DCTN1: variants seen among roughly 807,000 people sequenced by gnomAD.
DCTN1 encodes the protein dynactin subunit 1.
DCTN1 carries 61 observed loss-of-function variants against 161.2 expected under a neutral mutation model. That is an observed-to-expected ratio of 0.38 (90% CI 0.31 to 0.47). The LOEUF (loss-of-function observed/expected upper bound fraction) is 0.47. Among genes scored for constraint, DCTN1 ranks in the 20% least tolerant of loss-of-function variants. The probability of loss-of-function intolerance (pLI) is 0.99; values close to 1 mark genes in which losing one functional copy is unlikely to be tolerated. For missense variants in DCTN1, 1,404 were observed against 1,623.7 expected (o/e 0.86, Z 2.33); for synonymous variants, 653 against 632.4 (o/e 1.03, Z -0.49).
At chr2:74,364,764 C>A in intron 26 of DCTN1, 1 of 421,916 alleles carries the variant, frequency 2.4e-6, no homozygotes, top group Admixed American at 3.5e-5. Flanking sequence ...TGACAACCCT[C>A]TGGGATATAG....
chr2:74,369,819 A>G lies in DCTN1; in HGVS notation c.1392+146T>C. ...AACAGAGCGAGATTCCATCTCAGAA[A>G]AAAAAAAAAAAAAAAAAGGCAGGGT... On this transcript the variant is annotated intron_variant, in intron 13 of 31. Transcript: ENST00000628224. The surrounding 1 kb of genome is among the most constrained non-coding windows in gnomAD (Gnocchi z 4.9). 2 of 615,346 alleles carry G rather than the reference A, an allele frequency of 3.3e-6. No individual in the cohort carries two copies. Among genetic ancestry groups the G allele is most frequent in the African/African-American group, 1.9e-5 (1 of 52,412 alleles). The allele number at this position is 615,346 out of a possible 1,614,324, so 38.1% of individuals were successfully genotyped here.
upstream of DCTN1, among the ~76,000 whole-genome samples, chr2:74,382,914 T>C (rs990819944): frequency 2.0e-5 from 3 of 148,748 alleles, no homozygotes; most frequent in Non-Finnish European, 3.0e-5. Context: ...CTACTAAAAA[T>C]ACAAAAAAAA....
Position 74,370,364 on chromosome 2 carries a change from G to A in DCTN1, c.1128-19C>T. 1 of 1,614,024 alleles carries A rather than the reference G, an allele frequency of 6.2e-7. No homozygotes were observed. Among genetic ancestry groups the A allele is most frequent in the Middle Eastern group, 1.6e-4 (1 of 6,062 alleles). On this transcript the variant is annotated intron_variant, in intron 11 of 31. Transcript: ENST00000628224. The surrounding 1 kb of genome is among the most constrained non-coding windows in gnomAD (Gnocchi z 4.4). ...CCGCATCCTGCAGGGATGTGAGGAA[G>A]GCAGAAGGAGGAAAGCACGTGTCAG...
At chr2:74,366,134 G>A in intron 23 of DCTN1, 110 bp downstream of exon 23, 1 of 1,609,878 alleles carries the variant, frequency 6.2e-7, no homozygotes, top group Non-Finnish European at 8.5e-7. Flanking sequence ...GCAGGATGGT[G>A]CTCTCCAGAT....
chr2:74,376,967 GCA>G (rs1340928345), intron 4 of DCTN1, among the ~76,000 whole-genome samples: 1 of 152,184 alleles, frequency 6.6e-6, no homozygotes, highest in Non-Finnish European at 1.5e-5. Context: ...CACACATCCT[GCA>G]CAGAGTAGCA....
Position 74,374,052 on chromosome 2 carries a change from G to A in DCTN1, c.432+271C>T, listed in dbSNP as rs56050689. On this transcript the variant is annotated intron_variant, in intron 6 of 31. Transcript: ENST00000628224. The stretch of plus-strand genomic sequence containing the variant: ...GGAAACCCTCCCAGATCCGGTATGC[G>A]GTAGAGGCTGCCTGAAGCCCAAGCC... 3,486 of 509,530 alleles carry A rather than the reference G, an allele frequency of 6.8e-3. 36 individuals carry two copies. The highest frequency in any genetic ancestry group is 0.014 in the Middle Eastern group (25 of 1,786). The allele number at this position is 509,530 out of a possible 1,614,324, so 31.6% of individuals were successfully genotyped here. A position where few individuals can be genotyped will look rare whatever the true frequency, so the allele number is the denominator to read the frequency against.
At chr2:74,382,092 T>C (rs1276457398), upstream of DCTN1, among the ~76,000 whole-genome samples, 1 of 152,072 alleles carries the variant, frequency 6.6e-6, no homozygotes, top group Non-Finnish European at 1.5e-5. Context: ...CACAGACATA[T>C]CTAGGCTTCC....
At chr2:74,377,252 C>G (rs201900940) in intron 4 of DCTN1, among the ~76,000 whole-genome samples, 180 bp downstream of exon 4, 281 of 152,316 alleles carry the variant, frequency 1.8e-3, no homozygotes, top group Non-Finnish European at 3.3e-3. Context: ...CTTCTACCAT[C>G]TTTACTGTAA....
chr2:74,380,401 T>C (rs189175296), upstream of DCTN1: 3 of 505,482 alleles, frequency 5.9e-6, no homozygotes, highest in Non-Finnish European at 1.2e-5. Context: ...AACTAAGGGC[T>C]GGGCATACGC....
chr2:74,365,363 T>G (rs1052325227), intron 25 of DCTN1, 122 bp from the exon 26 acceptor site: 36 of 1,553,974 alleles, frequency 2.3e-5, no homozygotes, highest in Non-Finnish European at 2.9e-5. Context: ...CAGCACAGGC[T>G]TAGGCTGGGG....
intron 30 of DCTN1, 149 bp downstream of exon 30, chr2:74,362,501 G>C: frequency 2.5e-6 from 2 of 800,138 alleles, no homozygotes. Flanking sequence ...CACTGAGACA[G>C]TGAGCTTCCA....
Position 74,369,177 on chromosome 2 carries a change from G to A in DCTN1, c.1622C>T (p.Ser541Phe), listed in dbSNP as rs749484520. ...NRELTNQQEA[S>F]VERQQQPPPE... ...AGGTGGCTGCTGTTGCCTCTCCACA[G>A]ATGCTTCCTGCTGGTTTGTCAGTTC... The change falls in exon 15 of 32, where the codon TCT becomes TTT. Residue 541 changes from serine (S) to phenylalanine (F), a missense_variant. Transcript: ENST00000628224. This position sits in a 1 kb window ranked among gnomAD's most constrained non-coding sequence, Gnocchi z 4.9. The A allele has an allele frequency of 1.9e-6, 3 of 1,614,134 alleles. No individual in the cohort carries two copies. The highest frequency in any genetic ancestry group is 8.5e-7 in the Non-Finnish European group (1 of 1,180,064).
chr2:74,363,813 T>C, intron 26 of DCTN1, 185 bp from the exon 27 acceptor site: 1 of 783,986 alleles, frequency 1.3e-6, no homozygotes, highest in South Asian at 1.6e-5. Context: ...AGATAAGTGT[T>C]AAAGAAAGAC....
chr2:74,369,534 C>A lies in DCTN1; in HGVS notation c.1393-43G>T. On this transcript the variant is annotated intron_variant, in intron 13 of 31. Transcript: ENST00000628224. The surrounding 1 kb of genome is among the most constrained non-coding windows in gnomAD (Gnocchi z 4.9). ...AGTTTGGGCTAAAGAAAGGCAGGGTCGGCCAGCGGCGGTGGTTCACACCTG... is the reference window on the plus strand; with the variant it reads ...AGTTTGGGCTAAAGAAAGGCAGGGTAGGCCAGCGGCGGTGGTTCACACCTG... 6.3e-7 allele frequency: 1 copy of A among 1,596,490 alleles called. No individual in the cohort carries two copies. The highest frequency in any genetic ancestry group is 1.1e-5 in the South Asian group (1 of 90,838).
At chr2:74,383,672 C>G (rs1201682199), upstream of DCTN1, 1 of 152,186 alleles carries the variant, frequency 6.6e-6, no homozygotes, top group Non-Finnish European at 1.5e-5. Flanking sequence ...CAAAAAAGCC[C>G]TGAGAAGGCC....
chr2:74,366,544 G>A lies in DCTN1; in HGVS notation c.2543C>T (p.Ala848Val). ...VAVLQEVAAAAAQLIAPLAEN... is the reference protein window; with the variant it reads ...VAVLQEVAAAVAQLIAPLAEN... ...TGCCAGTGGGGCAATGAGCTGGGCAGCAGCAGCTGCCACCTCCTGCAGCAC... is the reference window on the plus strand; with the variant it reads ...TGCCAGTGGGGCAATGAGCTGGGCAACAGCAGCTGCCACCTCCTGCAGCAC... Residue 848 changes from alanine (A) to valine (V), a missense_variant, in exon 22 of 32, where the codon GCT becomes GTT. Ala to Val is a moderately conservative substitution (Grantham distance 64). Coordinates refer to ENST00000628224, the MANE Select transcript of DCTN1 (RefSeq NM_004082.5). 6.8e-6 allele frequency: 11 copies of A among 1,614,014 alleles called. No individual in the cohort carries two copies. Among genetic ancestry groups the A allele is most frequent in the Non-Finnish European group, 9.3e-6 (11 of 1,179,978 alleles).
chr2:74,378,220 G>T lies in DCTN1; in HGVS notation c.59C>A (p.Ala20Glu). ...SRTPSGSRMSAEASARPLRVG... is the reference protein window; with the variant it reads ...SRTPSGSRMSEEASARPLRVG... ...CCGCAGAGGCCGGGCGCTTGCCTCC[G>T]CACTCATCCTGCTGCCGCTGGGCGT... The change falls in exon 2 of 32, where the codon GCG becomes GAG. Residue 20 changes from alanine to glutamate, a missense_variant. Ala to Glu is a moderately radical substitution (Grantham distance 107, BLOSUM62 -1). Coordinates refer to ENST00000628224, the MANE Select transcript of DCTN1 (RefSeq NM_004082.5). The T allele has an allele frequency of 1.9e-6, 3 of 1,610,480 alleles. No individual in the cohort carries two copies.
intron 7 of DCTN1, 172 bp from the exon 8 acceptor site, chr2:74,371,900 G>C: frequency 1.6e-6 from 1 of 619,892 alleles, no homozygotes; most frequent in African/African-American, 1.8e-5. Flanking sequence ...CAAGGAAAAT[G>C]ATACAGAGAG....
Position 74,367,755 on chromosome 2 carries a change from C to G in DCTN1, c.2125G>C (p.Asp709His), listed in dbSNP as rs1674530161. Residue 709 changes from aspartate to histidine, a missense_variant, in exon 18 of 32, where the codon GAT becomes CAT. By Grantham distance (81) the Asp-to-His change is moderately conservative. Around this residue, in one of 9 missense-constraint regions of DCTN1, gnomAD observed 475 missense variants for 489.8 expected, o/e 0.97. Coordinates refer to ENST00000628224, the MANE Select transcript of DCTN1 (RefSeq NM_004082.5). ...ACATTGACAGTCTCATCCAGCTGAT[C>G]CTTGTGCAGCAGTTCAATGAGGAAA... ...LDFLIELLHKDQLDETVNVEP... is the reference protein window; with the variant it reads ...LDFLIELLHKHQLDETVNVEP... The G allele has an allele frequency of 6.2e-7, 1 of 1,614,208 alleles. No individual in the cohort carries two copies. Among genetic ancestry groups the G allele is most frequent in the Non-Finnish European group, 8.5e-7 (1 of 1,180,042 alleles).
Sources: allele counts gnomAD v4.1 joint callset (sites outside exome capture counted in the v4.1 genomes callset), GRCh38; gene constraint gnomAD v4.1.1; regional missense constraint gnomAD v4.1.1; non-coding constraint Gnocchi (gnomAD v3.1); transcripts MANE v1.5; gene names NCBI Gene and HGNC (gene_info 2026-07-23, HGNC 2026-07-21).